Variants in RICTOR observed in about 807,000 individuals in gnomAD.
RICTOR encodes RPTOR independent companion of MTOR complex 2.
A neutral mutation model predicts 214.9 loss-of-function variants in RICTOR; 49 were observed. The ratio of observed to expected loss-of-function variants is 0.23; its 90% CI spans 0.18 to 0.29. RICTOR has a LOEUF of 0.29. Ranked by LOEUF, RICTOR falls within the 10% of genes least tolerant of loss-of-function variation. The pLI is 1.00. For synonymous variants in RICTOR, 717 were observed against 711.3 expected (o/e 1.01, Z -0.13); for missense variants, 1,625 against 2,047.0 (o/e 0.79, Z 3.98).
chr5:39,062,528 T>G (rs1758617539), intron 2 of RICTOR, among the ~76,000 whole-genome samples: 1 of 152,084 alleles, frequency 6.6e-6, no homozygotes, highest in Admixed American at 6.6e-5. Flanking sequence ...AATTTTATTA[T>G]ATGAGGGTCA....
intron 2 of RICTOR, among the ~76,000 whole-genome samples, chr5:39,052,804 T>A (rs1757942354): frequency 6.6e-6 from 1 of 152,156 alleles, no homozygotes; most frequent in South Asian, 2.1e-4. Flanking sequence ...AATTAAGTGA[T>A]CTCTTATCAG....
In RICTOR at chr5:38,950,249, C is replaced by T. The variant is rs369474390; in HGVS notation, c.3599G>A (p.Arg1200Gln). The change falls in exon 31 of 38, where the codon CGA becomes CAA. Residue 1200 changes from arginine (R) to glutamine (Q), a missense_variant. This residue lies in a region of RICTOR where 1,214 missense variants were observed against 1,470.5 expected (regional missense o/e 0.83). Coordinates refer to ENST00000357387, the MANE Select transcript of RICTOR (RefSeq NM_152756.5). ...TGAACTTTCTACTACTAACCTCTCT[C>T]GGCTTGTATTTTCTCTGTGATTCTC... is the stretch of plus-strand genomic sequence containing the variant. ...GTENHRENTS[R>Q]ERLVVESSTS... The T allele has an allele frequency of 9.9e-6, 16 of 1,613,518 alleles. No homozygotes were observed. Among genetic ancestry groups the T allele is most frequent in the African/African-American group, 2.7e-5 (2 of 74,956 alleles).
chr5:38,937,937 C>G lies in RICTOR; in HGVS notation c.*4367G>C, dbSNP rs1747146163. ...TGACAAAGTTTAAGAATTTTAAGTACATTTTATTAACAATGTATCCCTTTG... is the reference window on the plus strand; with the variant it reads ...TGACAAAGTTTAAGAATTTTAAGTAGATTTTATTAACAATGTATCCCTTTG... On this transcript the variant is annotated 3_prime_UTR_variant, in exon 38 of 38. Transcript: ENST00000357387. The surrounding 1 kb of genome is among the most constrained non-coding windows in gnomAD (Gnocchi z 4.0). The G allele has an allele frequency of 5.5e-6, 1 of 181,668 alleles. No homozygotes were observed. Among genetic ancestry groups the G allele is most frequent in the South Asian group, 2.0e-4 (1 of 5,074 alleles). 11.3% of individuals were successfully genotyped at this position (181,668 alleles called of 1,614,324 possible).
intron 6 of RICTOR, 75 bp downstream of exon 6, chr5:38,996,742 CAA>C (rs1172558782): frequency 1.2e-5 from 10 of 861,188 alleles, no homozygotes; most frequent in Admixed American, 6.7e-5. Flanking sequence ...AAAGATTTCA[CAA>C]AAGTCTAATC....
rs1171421236 is a variant in RICTOR, at chr5:38,951,086, TG to T, written c.3128-367del. 2.0e-5 allele frequency among the ~76,000 whole-genome samples: 3 copies of T among 152,102 alleles called. No homozygotes were observed. The East Asian group carries it at 5.8e-4, about 29-fold the overall frequency. Reference sequence around the variant, plus strand: ...TTACTCAATTACTACAGATTCCTAGTGGTTCTTCTTTAAATTACTATAAGCA... The same window carrying T: ...TTACTCAATTACTACAGATTCCTAGTGTTCTTCTTTAAATTACTATAAGCA... On this transcript the variant is annotated intron_variant, in intron 30 of 37. Transcript: ENST00000357387.
intron 2 of RICTOR, among the ~76,000 whole-genome samples, chr5:39,053,441 C>A (rs1045414612): frequency 1.6e-4 from 25 of 152,166 alleles, no homozygotes; most frequent in African/African-American, 6.0e-4. Flanking sequence ...ACCACAACGG[C>A]TCATGTATCT....
At chr5:39,012,644 A>C (rs1280764637) in intron 3 of RICTOR, among the ~76,000 whole-genome samples, 1 of 152,214 alleles carries the variant, frequency 6.6e-6, no homozygotes, top group Admixed American at 6.5e-5. Context: ...GTAAGTCATT[A>C]AAATGTAATT....
chr5:38,969,195 C>T (rs1362996290), intron 11 of RICTOR, among the ~76,000 whole-genome samples: 1 of 151,886 alleles, frequency 6.6e-6, no homozygotes, highest in Non-Finnish European at 1.5e-5. Flanking sequence ...TGGTCTCGAA[C>T]TCCTGACCTC....
At chr5:39,049,437 GTC>G (rs1311776748) in intron 2 of RICTOR, among the ~76,000 whole-genome samples, 1 of 152,124 alleles carries the variant, frequency 6.6e-6, no homozygotes, top group Non-Finnish European at 1.5e-5. Flanking sequence ...CTGTAATACA[GTC>G]TCTGTTTCAA....
chr5:38,998,742 C>T (rs776205311), intron 5 of RICTOR, among the ~76,000 whole-genome samples: 51 of 152,042 alleles, frequency 3.4e-4, no homozygotes, highest in Non-Finnish European at 5.7e-4. Flanking sequence ...AAGCCAGGTG[C>T]GGTGGCTCAC....
chr5:39,016,138 T>C (rs925899394), intron 3 of RICTOR, among the ~76,000 whole-genome samples: 6 of 151,962 alleles, frequency 3.9e-5, no homozygotes, highest in Non-Finnish European at 8.8e-5. Flanking sequence ...CATGGCAACA[T>C]AGCAAAGAAA....
At chr5:39,004,586 A>T (rs972335171) in intron 3 of RICTOR, among the ~76,000 whole-genome samples, 1 of 151,620 alleles carries the variant, frequency 6.6e-6, no homozygotes, top group East Asian at 1.9e-4. Context: ...CAGCCCTCCG[A>T]GTAGCTGGGA....
Position 38,958,845 on chromosome 5 carries a change from T to A in RICTOR, c.2179-14A>T. ...GAGTCTGCAGGCCTATAAGGATAAA[T>A]GAATACATTAAAAAAAAAAAAAACT... On this transcript the variant is annotated splice_polypyrimidine_tract_variant and intron_variant, in intron 22 of 37. Coordinates refer to ENST00000357387, the MANE Select transcript of RICTOR (RefSeq NM_152756.5). The A allele has an allele frequency of 6.7e-7, 1 of 1,494,200 alleles. No individual in the cohort carries two copies. The highest frequency in any genetic ancestry group is 8.9e-7 in the Non-Finnish European group (1 of 1,120,330). The allele number at this position is 1,494,200 out of a possible 1,614,324, so 92.6% of individuals were successfully genotyped here.
At chr5:39,057,181 TTTG>T (rs558034687) in intron 2 of RICTOR, among the ~76,000 whole-genome samples, 267 of 152,242 alleles carry the variant, frequency 1.8e-3, no homozygotes, top group African/African-American at 6.2e-3. Context: ...CAAACAGCAA[TTTG>T]AAGGACTAAT....
At chr5:39,002,962 T>A (rs552231138) in intron 4 of RICTOR, among the ~76,000 whole-genome samples, 2 of 152,232 alleles carry the variant, frequency 1.3e-5, no homozygotes, top group East Asian at 3.9e-4. Context: ...GCCTTTGTTT[T>A]ATATAAACAA....
Position 38,960,521 on chromosome 5 carries a change from T to C in RICTOR, c.1728A>G (p.Arg576=). The change falls in exon 20 of 38, where the codon AGA becomes AGG. Residue 576 remains arginine (R), a synonymous_variant. Coordinates refer to ENST00000357387, the MANE Select transcript of RICTOR (RefSeq NM_152756.5). ...KDEQLHRFVR[R]LLYFYKPSSK... is the part of the protein sequence containing the mutation. ...TGCTGGGCTTGTAAAAATAAAGTAG[T>C]CTTCGTACAAACCTAAAATCAAAAC... is the stretch of plus-strand genomic sequence containing the variant. The C allele has an allele frequency of 6.2e-7, 1 of 1,613,200 alleles. No individual in the cohort carries two copies. The highest frequency in any genetic ancestry group is 1.1e-5 in the South Asian group (1 of 90,880).
At position 38,942,300 on chromosome 5, in the gene RICTOR, G is replaced by C. The variant is rs368589608; in HGVS notation, c.*4C>G. 6.4e-7 allele frequency: 1 copy of C among 1,558,936 alleles called. No individual in the cohort carries two copies. Among genetic ancestry groups the C allele is most frequent in the Non-Finnish European group, 8.8e-7 (1 of 1,135,264 alleles). On this transcript the variant is annotated 3_prime_UTR_variant, in exon 38 of 38. Transcript: ENST00000357387. ...ATGTATCTATATCCATCATAAATAT[G>C]AGGTCAGGATTCAGCAGATGTATCA...
chr5:39,054,440 A>G (rs1420563504), intron 2 of RICTOR, among the ~76,000 whole-genome samples: 1 of 152,238 alleles, frequency 6.6e-6, no homozygotes, highest in African/African-American at 2.4e-5. Flanking sequence ...ATTAAAGAGA[A>G]TAAAGTTAAC....
chr5:39,073,714 C>T (rs1561093784), intron 2 of RICTOR, among the ~76,000 whole-genome samples: 1 of 152,160 alleles, frequency 6.6e-6, no homozygotes, highest in African/African-American at 2.4e-5. Flanking sequence ...GCTCTTCCCT[C>T]AAACATCCTC....
Sources: gnomAD v4.1 joint callset for allele counts (sites outside exome capture counted in the v4.1 genomes callset) on GRCh38, gnomAD v4.1.1 for gene constraint, gnomAD v4.1.1 regional missense constraint, Gnocchi (gnomAD v3.1) non-coding constraint, MANE v1.5 for transcripts, NCBI Gene and HGNC (gene_info 2026-07-23, HGNC 2026-07-21) for gene names.